ZNF423: variants seen among roughly 807,000 people sequenced by gnomAD.
ZNF423 encodes the protein Ebf-associated zinc finger protein.
A neutral mutation model predicts 95.8 loss-of-function variants in ZNF423; 12 were observed. The observed-to-expected ratio is 0.13, with a 90% CI of 0.08 to 0.20. ZNF423 has a LOEUF of 0.20. ZNF423 is among the 10% of genes least tolerant of loss of function. The pLI, the probability that ZNF423 is intolerant of heterozygous loss-of-function variation, is 1.00. For synonymous variants in ZNF423, 749 were observed against 711.9 expected, an observed-to-expected ratio of 1.05 and a Z score of -0.83; for missense variants, 1,316 against 1,737.1, an observed-to-expected ratio of 0.76 and a Z score of 4.31.
intron 7 of ZNF423, among the ~76,000 whole-genome samples, chr16:49,500,171 C>G (rs535984702): frequency 5.3e-5 from 8 of 152,298 alleles, no homozygotes; most frequent in Admixed American, 1.3e-4. Flanking sequence ...ATGCCTGACT[C>G]TGAGGCCTGA....
At chr16:49,620,974 G>A (rs1293362206) in intron 5 of ZNF423, among the ~76,000 whole-genome samples, 1 of 152,174 alleles carries the variant, frequency 6.6e-6, no homozygotes, top group Non-Finnish European at 1.5e-5. Context: ...CCCAGCCGTG[G>A]GGGACCAGCT....
At chr16:49,531,896 G>A (rs1409297377) in intron 5 of ZNF423, among the ~76,000 whole-genome samples, 1 of 152,120 alleles carries the variant, frequency 6.6e-6, no homozygotes, top group African/African-American at 2.4e-5. Flanking sequence ...GAGAAATGCA[G>A]AGTCTCAGGC....
chr16:49,677,248 T>TAAGAG (rs1377639641), intron 3 of ZNF423, among the ~76,000 whole-genome samples: 14 of 68,620 alleles, frequency 2.0e-4, no homozygotes, highest in African/African-American at 9.3e-4. Context: ...GAAGAGAAGA[T>TAAGAG]AAGAGAAGAG....
chr16:49,658,256 T>C (rs1028606357), intron 3 of ZNF423, among the ~76,000 whole-genome samples: 1 of 152,102 alleles, frequency 6.6e-6, no homozygotes, highest in African/African-American at 2.4e-5. Context: ...GGGCGCACCT[T>C]CATAGCTGCT....
At chr16:49,774,876 A>G (rs1290782859) in intron 2 of ZNF423, among the ~76,000 whole-genome samples, 1 of 152,194 alleles carries the variant, frequency 6.6e-6, no homozygotes, top group Non-Finnish European at 1.5e-5. Context: ...GATGAAGGAC[A>G]GATTCTGAGC....
chr16:49,809,126 C>T (rs946092838), intron 1 of ZNF423, among the ~76,000 whole-genome samples: 13 of 152,344 alleles, frequency 8.5e-5, no homozygotes, highest in African/African-American at 3.1e-4. Context: ...GCGTGTCCTG[C>T]GATAATACTT....
intron 1 of ZNF423, among the ~76,000 whole-genome samples, chr16:49,829,099 C>T (rs547472519): frequency 7.9e-5 from 12 of 152,338 alleles, no homozygotes; most frequent in Admixed American, 2.6e-4. Context: ...CCCAGACCCA[C>T]GTCATCTGAG....
chr16:49,833,937 A>T (rs1393600834), intron 1 of ZNF423, among the ~76,000 whole-genome samples: 1 of 152,160 alleles, frequency 6.6e-6, no homozygotes, highest in Non-Finnish European at 1.5e-5. Flanking sequence ...GGACCACAGA[A>T]CTGGAACTCA....
At chr16:49,818,796 A>G (rs2034894915) in intron 1 of ZNF423, among the ~76,000 whole-genome samples, 1 of 152,114 alleles carries the variant, frequency 6.6e-6, no homozygotes, top group Non-Finnish European at 1.5e-5. Flanking sequence ...CTGAGATGAG[A>G]GGATCACTTG....
intron 3 of ZNF423, among the ~76,000 whole-genome samples, chr16:49,655,488 C>A (rs1255470646): frequency 1.3e-5 from 2 of 152,296 alleles, no homozygotes; most frequent in African/African-American, 4.8e-5. Flanking sequence ...AGATCAGGTG[C>A]CCCTGCAGGA....
chr16:49,828,965 T>A (rs1470744994), intron 1 of ZNF423, among the ~76,000 whole-genome samples: 1 of 152,178 alleles, frequency 6.6e-6, no homozygotes, highest in Non-Finnish European at 1.5e-5. Context: ...CCTGGTCTGA[T>A]CCCTGCTCCC....
rs1252445124 is a variant in ZNF423 at position 49,730,880 on chromosome 16, C to T, written c.192G>A (p.Glu64=). The T allele has an allele frequency of 6.2e-6, 10 of 1,614,218 alleles. No individual in the cohort carries two copies. Among genetic ancestry groups the T allele is most frequent in the South Asian group, 3.3e-5 (3 of 91,084 alleles). The change falls in exon 3 of 8, where the codon GAG becomes GAA. Residue 64 remains glutamate (E), a synonymous_variant. Coordinates refer to ENST00000563137, the MANE Select transcript of ZNF423 (RefSeq NM_001379286.1). ...NSVTSQEERN[E]DDEDMEDESI... The stretch of plus-strand genomic sequence containing the variant: ...ATTCATCCTCCATGTCTTCATCATC[C>T]TCATTTCTCTCCTCTTGACTTGTCA...
chr16:49,817,761 TG>T (rs1158302942), intron 1 of ZNF423, among the ~76,000 whole-genome samples: 3 of 152,214 alleles, frequency 2.0e-5, no homozygotes, highest in African/African-American at 7.2e-5. Context: ...TGCACATGCA[TG>T]CTTTGTCCAT....
intron 5 of ZNF423, among the ~76,000 whole-genome samples, chr16:49,578,408 G>C (rs1369205320): frequency 6.6e-6 from 1 of 152,212 alleles, no homozygotes; most frequent in African/African-American, 2.4e-5. Context: ...TAAGGGAAGA[G>C]AAACCGAGGG....
chr16:49,846,433 G>A (rs1239658310), intron 1 of ZNF423, among the ~76,000 whole-genome samples: 1 of 152,170 alleles, frequency 6.6e-6, no homozygotes, highest in Non-Finnish European at 1.5e-5. Context: ...TAAATGAAGT[G>A]AGCTCCAAGG....
intron 5 of ZNF423, among the ~76,000 whole-genome samples, chr16:49,620,117 T>A (rs925322222): frequency 2.7e-5 from 4 of 149,884 alleles, no homozygotes; most frequent in Non-Finnish European, 5.9e-5. Flanking sequence ...TCTCCCTCTT[T>A]CCCTCTCTCT....
In ZNF423 at chr16:49,491,227, G is replaced by T. The variant is rs1376633095; in HGVS notation, c.*48C>A. 1.2e-6 allele frequency: 2 copies of T among 1,612,946 alleles called. No individual in the cohort carries two copies. The highest frequency in any genetic ancestry group is 2.2e-5 in the East Asian group (1 of 44,868). On this transcript the variant is annotated 3_prime_UTR_variant, in exon 8 of 8. Coordinates refer to ENST00000563137, the MANE Select transcript of ZNF423 (RefSeq NM_001379286.1). ...TAATGTTCAAATGGCCCTCCCCACG[G>T]CGTCTCCGGCAAGCCTTCTGCGGAG...
intron 7 of ZNF423, among the ~76,000 whole-genome samples, chr16:49,499,221 C>T (rs1967287161): frequency 6.6e-6 from 1 of 152,244 alleles, no homozygotes; most frequent in South Asian, 2.1e-4. Context: ...TGTCCTATGG[C>T]AGAGGGAGCA....
chr16:49,710,068 T>G (rs1034486241), intron 3 of ZNF423, among the ~76,000 whole-genome samples: 5 of 152,322 alleles, frequency 3.3e-5, no homozygotes, highest in South Asian at 4.1e-4. Flanking sequence ...ACATGCCACA[T>G]GTAGAACAGT....
Sources: allele counts gnomAD v4.1 joint callset (sites outside exome capture counted in the v4.1 genomes callset), GRCh38; gene constraint gnomAD v4.1.1; transcripts MANE v1.5; gene names NCBI Gene and HGNC (gene_info 2026-07-23, HGNC 2026-07-21).